Variants in PRKN observed in about 807,000 individuals in gnomAD.
PRKN encodes parkin RBR E3 ubiquitin protein ligase, also known as E3 ubiquitin-protein ligase parkin.
A neutral mutation model predicts 59.5 loss-of-function variants in PRKN; 56 were observed. The ratio of observed to expected loss-of-function variants is 0.94; its 90% CI spans 0.76 to 1.18. The LOEUF (loss-of-function observed/expected upper bound fraction) is 1.18. Among genes scored for constraint, PRKN ranks in the 50% most tolerant of loss-of-function variants. The probability of loss-of-function intolerance (pLI) is 0.00; values close to 1 mark genes in which losing one functional copy is unlikely to be tolerated. For synonymous variants in PRKN, 250 were observed against 222.1 expected, an observed-to-expected ratio of 1.13 and a Z score of -1.12; for missense variants, 657 against 596.4, an observed-to-expected ratio of 1.10 and a Z score of -1.06.
At chr6:162,159,751 A>T (rs1471611737) in intron 4 of PRKN, among the ~76,000 whole-genome samples, 1 of 152,226 alleles carries the variant, frequency 6.6e-6, no homozygotes, top group African/African-American at 2.4e-5. Flanking sequence ...TAGCATCAGG[A>T]CAGAGGAAGA....
intron 6 of PRKN, among the ~76,000 whole-genome samples, chr6:161,830,878 A>G (rs1195986860): frequency 6.6e-6 from 1 of 152,156 alleles, no homozygotes; most frequent in Non-Finnish European, 1.5e-5. Flanking sequence ...CCAGCATACC[A>G]AGGAGAAGAA....
chr6:162,000,290 C>T (rs1281750239), intron 5 of PRKN, among the ~76,000 whole-genome samples: 6 of 152,098 alleles, frequency 3.9e-5, no homozygotes, highest in Admixed American at 3.3e-4. Context: ...TCTTGATTCC[C>T]ATACTCCCCA....
chr6:162,584,956 G>A (rs1780986351), intron 1 of PRKN, among the ~76,000 whole-genome samples: 1 of 146,328 alleles, frequency 6.8e-6, no homozygotes, highest in South Asian at 2.3e-4. Flanking sequence ...GCCCAGGCTG[G>A]AGTGCAATGG....
Position 162,163,473 on chromosome 6 carries a change from G to T in PRKN, c.534+37658C>A, listed in dbSNP as rs923079808. 7.4e-5 allele frequency among the ~76,000 whole-genome samples: 11 copies of T among 148,840 alleles called. 2 individuals are homozygous for T. The highest frequency in any genetic ancestry group is 2.8e-4 in the African/African-American group (11 of 39,760). On this transcript the variant is annotated intron_variant, in intron 4 of 11. Transcript: ENST00000366898. ...TATTGGAGGTAAAAAGAAGAAAAAA[G>T]ATTATAATGTGTGCTCTGGCTTGTA...
chr6:161,969,268 G>GTTT (rs61461516), intron 6 of PRKN, among the ~76,000 whole-genome samples: 1 of 133,984 alleles, frequency 7.5e-6, no homozygotes, highest in Non-Finnish European at 1.6e-5. Flanking sequence ...AGTCTTATTT[G>GTTT]TTTTTTTTTT....
chr6:162,227,528 T>C (rs1208084558), intron 3 of PRKN, among the ~76,000 whole-genome samples: 3 of 152,154 alleles, frequency 2.0e-5, no homozygotes, highest in Non-Finnish European at 4.4e-5. Context: ...CCACAAACAC[T>C]TGTTTTACTT....
At chr6:162,451,366 G>GAAAAA (rs1790613973) in intron 1 of PRKN, among the ~76,000 whole-genome samples, 2 of 70,342 alleles carry the variant, frequency 2.8e-5, no homozygotes, top group African/African-American at 1.2e-4. Context: ...CCTTAAAGGA[G>GAAAAA]TAAAAAAAAA....
chr6:161,815,773 A>T (rs1791751536), intron 6 of PRKN, among the ~76,000 whole-genome samples: 1 of 152,262 alleles, frequency 6.6e-6, no homozygotes, highest in East Asian at 1.9e-4. Context: ...GTCTGTGTGT[A>T]GGGGGAAGAC....
At chr6:162,386,761 A>C (rs1220925252) in intron 2 of PRKN, among the ~76,000 whole-genome samples, 1 of 152,262 alleles carries the variant, frequency 6.6e-6, no homozygotes, top group African/African-American at 2.4e-5. Context: ...AGATGGAGAA[A>C]GAAAAATTGG....
intron 7 of PRKN, among the ~76,000 whole-genome samples, chr6:161,571,150 G>A (rs1562532885): frequency 6.6e-6 from 1 of 152,080 alleles, no homozygotes; most frequent in African/African-American, 2.4e-5. Context: ...TCACTATGCT[G>A]TCCAGGCTGG....
chr6:162,272,999 G>GAAAAAAAAAAA (rs548215878), intron 2 of PRKN, among the ~76,000 whole-genome samples: 1 of 55,024 alleles, frequency 1.8e-5, no homozygotes, highest in Non-Finnish European at 3.6e-5. Context: ...GCCTGTGTCT[G>GAAAAAAAAAAA]AAAAAAAAAA....
At chr6:161,889,903 T>C (rs1333163633) in intron 6 of PRKN, among the ~76,000 whole-genome samples, 1 of 152,186 alleles carries the variant, frequency 6.6e-6, no homozygotes, top group Non-Finnish European at 1.5e-5. Context: ...TTATTATTTA[T>C]TGCTAAGAAG....
chr6:162,454,697 A>T (rs1400160292), intron 1 of PRKN, among the ~76,000 whole-genome samples: 2 of 152,220 alleles, frequency 1.3e-5, no homozygotes, highest in Non-Finnish European at 1.5e-5. Context: ...ATATGTCTGG[A>T]AACACATTTA....
chr6:162,544,765 C>T (rs1252912093), intron 1 of PRKN, among the ~76,000 whole-genome samples: 4 of 148,780 alleles, frequency 2.7e-5, no homozygotes, highest in African/African-American at 9.9e-5. Flanking sequence ...GCAACCTCCG[C>T]CTCCCGGGTT....
intron 1 of PRKN, among the ~76,000 whole-genome samples, chr6:162,608,884 G>A (rs548136792): frequency 1.5e-3 from 230 of 152,146 alleles, no homozygotes; most frequent in African/African-American, 4.9e-3. Flanking sequence ...GTATCTACTG[G>A]GGCATGGGAC....
chr6:161,963,358 T>A (rs532323229), intron 6 of PRKN, among the ~76,000 whole-genome samples: 2 of 152,350 alleles, frequency 1.3e-5, no homozygotes, highest in South Asian at 2.1e-4. Context: ...AAGAATTTCA[T>A]GCACAAGCAC....
chr6:162,317,259 T>G lies in PRKN; in HGVS notation c.172-54494A>C, dbSNP rs1782792298. ...GGGCCAGCTGGACATAATTGAATCA[T>G]GGGGGCACTTTCCCCGATACTGTTC... On this transcript the variant is annotated intron_variant, in intron 2 of 11. Coordinates refer to ENST00000366898, the MANE Select transcript of PRKN (RefSeq NM_004562.3). 7.9e-5 allele frequency among the ~76,000 whole-genome samples: 12 copies of G among 152,158 alleles called. No individual in the cohort carries two copies. The South Asian group carries it at 2.3e-3, about 29-fold the overall frequency.
intron 5 of PRKN, among the ~76,000 whole-genome samples, chr6:162,029,530 C>T (rs1398043968): frequency 6.6e-5 from 10 of 152,166 alleles, no homozygotes; most frequent in South Asian, 2.1e-4. Flanking sequence ...CCAGTTTCCT[C>T]GATGGCACCG....
intron 2 of PRKN, among the ~76,000 whole-genome samples, chr6:162,292,522 G>A (rs1272606649): frequency 6.6e-6 from 1 of 152,170 alleles, no homozygotes; most frequent in Non-Finnish European, 1.5e-5. Flanking sequence ...ACTTGGAATT[G>A]CACAGATGTT....
Sources: gnomAD v4.1 joint callset for allele counts (sites outside exome capture counted in the v4.1 genomes callset) on GRCh38, gnomAD v4.1.1 for gene constraint, MANE v1.5 for transcripts, NCBI Gene and HGNC (gene_info 2026-07-23, HGNC 2026-07-21) for gene names.